The following GLG1 variants were observed in gnomAD, a reference collection of about 807,000 sequenced individuals.
GLG1 encodes the protein Golgi apparatus protein 1.
Under a neutral mutation model 160.5 loss-of-function variants are expected in GLG1, and 38 were observed. The observed-to-expected ratio is 0.24, with a 90% CI of 0.18 to 0.31. GLG1 has a LOEUF of 0.31. Among genes scored for constraint, GLG1 ranks in the 10% least tolerant of loss-of-function variants. The probability of loss-of-function intolerance (pLI) is 1.00; values close to 1 mark genes in which losing one functional copy is unlikely to be tolerated. For missense variants in GLG1, 1,373 were observed against 1,505.2 expected, an observed-to-expected ratio of 0.91 and a Z score of 1.45; for synonymous variants, 644 against 543.4, an observed-to-expected ratio of 1.19 and a Z score of -2.57.
Position 74,496,429 on chromosome 16 carries a change from G to C in GLG1, c.978+12C>G. ...TAAAAGGAAGAAAAGAACAGTTTCT[G>C]AGCTGACTCACATTTTCACAAAAAC... On this transcript the variant is annotated intron_variant, in intron 5 of 25. Coordinates refer to ENST00000422840, the MANE Select transcript of GLG1 (RefSeq NM_001145667.2). The C allele has an allele frequency of 6.4e-7, 1 of 1,567,156 alleles. No individual in the cohort carries two copies. Among genetic ancestry groups the C allele is most frequent in the Non-Finnish European group, 8.8e-7 (1 of 1,137,420 alleles).
chr16:74,480,175 T>C, intron 11 of GLG1, 66 bp downstream of exon 11: 1 of 1,304,754 alleles, frequency 7.7e-7, no homozygotes, highest in Non-Finnish European at 1.1e-6. Context: ...ATCAGAAGAA[T>C]ATACAGCAAA....
intron 1 of GLG1, among the ~76,000 whole-genome samples, chr16:74,583,093 C>T (rs1456047086): frequency 6.6e-6 from 1 of 152,058 alleles, no homozygotes; most frequent in African/African-American, 2.4e-5. Flanking sequence ...CTCCTGTTAC[C>T]TATAATTCCC....
Position 74,561,286 on chromosome 16 carries a change from T to C in GLG1, c.439-29133A>G, listed in dbSNP as rs1394748362. On this transcript the variant is annotated intron_variant, in intron 1 of 25. Coordinates refer to ENST00000422840, the MANE Select transcript of GLG1 (RefSeq NM_001145667.2). Reference sequence around the variant, plus strand: ...CCTTCATGACCACAACCAAATTTTCTTGTCAATTATGTCTTTAACCATGAT... The same window carrying C: ...CCTTCATGACCACAACCAAATTTTCCTGTCAATTATGTCTTTAACCATGAT... Among the ~76,000 whole-genome samples the C allele has an allele frequency of 3.3e-5, 5 of 152,348 alleles. No individual in the cohort carries two copies. In the South Asian group the frequency reaches 8.3e-4, roughly 25 times the overall value.
intron 18 of GLG1, among the ~76,000 whole-genome samples, chr16:74,466,908 C>T (rs912010617): frequency 4.6e-5 from 7 of 152,078 alleles, no homozygotes; most frequent in Non-Finnish European, 1.0e-4. Context: ...GCTCCAATTG[C>T]CTAACACGAG....
chr16:74,602,355 T>A (rs1176871551), intron 1 of GLG1, among the ~76,000 whole-genome samples: 1 of 152,186 alleles, frequency 6.6e-6, no homozygotes, highest in Non-Finnish European at 1.5e-5. Context: ...ATTATACATT[T>A]AAATACAAAA....
chr16:74,470,121 G>A (rs2015143002), intron 15 of GLG1, 48 bp from the exon 16 acceptor site: 1 of 1,127,904 alleles, frequency 8.9e-7, no homozygotes, highest in Non-Finnish European at 1.3e-6. Context: ...GCAACTTGTG[G>A]TCAGTAGTGG....
chr16:74,511,319 A>G (rs2016795987), intron 2 of GLG1, among the ~76,000 whole-genome samples: 1 of 152,144 alleles, frequency 6.6e-6, no homozygotes, highest in African/African-American at 2.4e-5. Context: ...AAAAACAAAA[A>G]TATGAGTAAA....
intron 2 of GLG1, among the ~76,000 whole-genome samples, chr16:74,511,603 G>GA (rs1304156822): frequency 2.8e-4 from 38 of 134,052 alleles, no homozygotes; most frequent in African/African-American, 1.0e-3. Context: ...AAAAAAAAAA[G>GA]AAAGAAAGAA....
At chr16:74,506,272 C>T (rs1479555412) in intron 3 of GLG1, among the ~76,000 whole-genome samples, 5 of 151,574 alleles carry the variant, frequency 3.3e-5, no homozygotes, top group Non-Finnish European at 7.4e-5. Flanking sequence ...TATTGAGCAA[C>T]CAAAAGTTTT....
At chr16:74,465,346 C>T (rs2014960827) in intron 19 of GLG1, among the ~76,000 whole-genome samples, 1 of 152,182 alleles carries the variant, frequency 6.6e-6, no homozygotes, top group Non-Finnish European at 1.5e-5. Context: ...GTCCTCAAAA[C>T]CAATCATTTA....
chr16:74,474,309 A>T (rs1322632931), intron 13 of GLG1: 1 of 439,220 alleles, frequency 2.3e-6, no homozygotes, highest in African/African-American at 1.9e-5. Context: ...TGATAAACCT[A>T]ATTTATGAAG....
Position 74,450,963 on chromosome 16 carries a change from A to G in GLG1, c.*2204T>C, listed in dbSNP as rs573209705. On this transcript the variant is annotated 3_prime_UTR_variant, in exon 26 of 26. Coordinates refer to ENST00000422840, the MANE Select transcript of GLG1 (RefSeq NM_001145667.2). ...CAGAAAGAACAGAAATATCAACACA[A>G]TTAGAACTATAAGGGTGTTTACGCA... 6.6e-6 allele frequency: 1 copy of G among 152,324 alleles called. No individual in the cohort carries two copies. The highest frequency in any genetic ancestry group is 2.4e-5 in the African/African-American group (1 of 41,574). The allele number at this position is 152,324 out of a possible 1,614,324, so 9.4% of individuals were successfully genotyped here. A position where few individuals can be genotyped will look rare whatever the true frequency, so the allele number is the denominator to read the frequency against.
At chr16:74,533,134 C>T (rs1345540510) in intron 1 of GLG1, among the ~76,000 whole-genome samples, 1 of 151,876 alleles carries the variant, frequency 6.6e-6, no homozygotes, top group African/African-American at 2.4e-5. Flanking sequence ...TCCTGGCTAA[C>T]ACAGTGAAAC....
intron 24 of GLG1, among the ~76,000 whole-genome samples, chr16:74,456,997 G>A (rs2014573301): frequency 6.6e-6 from 1 of 152,198 alleles, no homozygotes; most frequent in African/African-American, 2.4e-5. Context: ...CAGGTGTGGT[G>A]GCAAACACCT....
At chr16:74,497,975 G>A (rs988103244) in intron 4 of GLG1, among the ~76,000 whole-genome samples, 6 of 152,070 alleles carry the variant, frequency 3.9e-5, no homozygotes, top group African/African-American at 1.4e-4. Flanking sequence ...ATCTTTAATT[G>A]TACACTTCAT....
chr16:74,530,837 C>A (rs1292303037), intron 2 of GLG1, among the ~76,000 whole-genome samples: 1 of 152,028 alleles, frequency 6.6e-6, no homozygotes, highest in East Asian at 1.9e-4. Flanking sequence ...GACAACAGTG[C>A]ACTCATTTTT....
chr16:74,460,039 T>TA (rs1162736914), intron 22 of GLG1, among the ~76,000 whole-genome samples: 2 of 140,618 alleles, frequency 1.4e-5, no homozygotes, highest in South Asian at 2.2e-4. Flanking sequence ...TTTTTTTTTT[T>TA]AGACAGAGTC....
At chr16:74,482,564 C>T (rs1489584187) in intron 10 of GLG1, among the ~76,000 whole-genome samples, 1 of 151,718 alleles carries the variant, frequency 6.6e-6, no homozygotes, top group African/African-American at 2.4e-5. Context: ...ATTAGATAAT[C>T]AAGTTGTCAC....
At chr16:74,486,995 C>T (rs949953242) in intron 8 of GLG1, among the ~76,000 whole-genome samples, 3 of 150,982 alleles carry the variant, frequency 2.0e-5, no homozygotes, top group African/African-American at 7.3e-5. Flanking sequence ...CTCACTGCAA[C>T]CTCCACTTCC....
Sources: gnomAD v4.1 joint callset for allele counts (sites outside exome capture counted in the v4.1 genomes callset) on GRCh38, gnomAD v4.1.1 for gene constraint, MANE v1.5 for transcripts, NCBI Gene and HGNC (gene_info 2026-07-23, HGNC 2026-07-21) for gene names.